The following ZNF79 variants were observed in gnomAD, a reference collection of about 807,000 sequenced individuals.
ZNF79 encodes the protein zinc finger protein 79.
In ZNF79, 13 loss-of-function variants were observed where a neutral mutation model predicts 14.9. The ratio of observed to expected loss-of-function variants is 0.87; its 90% CI spans 0.57 to 1.38. The LOEUF (loss-of-function observed/expected upper bound fraction) is 1.38. Ranked by LOEUF, ZNF79 falls within the 40% of genes most tolerant of loss-of-function variation. The pLI is 0.00. For synonymous variants in ZNF79, 223 were observed against 235.1 expected, an observed-to-expected ratio of 0.95 and a Z score of 0.47; for missense variants, 631 against 630.6, an observed-to-expected ratio of 1.00 and a Z score of -0.01.
In ZNF79 at chr9:127,435,824, T is replaced by G. The variant is rs1425698637; in HGVS notation, c.233-84T>G. ...GGCTGAATGAAATGAACAGTCCAAC[T>G]GGCCTACTTGCTCTCTCCTGAGTTC... is the stretch of plus-strand genomic sequence containing the variant. On this transcript the variant is annotated intron_variant, in intron 3 of 4. Transcript: ENST00000342483. The G allele has an allele frequency of 3.8e-6, 4 of 1,062,154 alleles. No individual in the cohort carries two copies. In the Admixed American group the frequency reaches 6.9e-5, roughly 18 times the overall value. 65.8% of individuals were successfully genotyped at this position (1,062,154 alleles called of 1,614,324 possible).
intron 1 of ZNF79, among the ~76,000 whole-genome samples, chr9:127,427,329 A>G (rs1833775744): frequency 6.7e-6 from 1 of 149,890 alleles, no homozygotes; most frequent in Non-Finnish European, 1.5e-5. Context: ...AGGCTGAGGT[A>G]GGAGAATCGC....
At chr9:127,427,519 T>C (rs1241681985) in intron 1 of ZNF79, among the ~76,000 whole-genome samples, 2 of 150,528 alleles carry the variant, frequency 1.3e-5, no homozygotes, top group Admixed American at 6.6e-5. Flanking sequence ...TGTGAGCCAC[T>C]GTACCCAGTC....
chr9:127,437,345 C>T (rs992643746), intron 4 of ZNF79, among the ~76,000 whole-genome samples: 25 of 151,884 alleles, frequency 1.6e-4, no homozygotes, highest in Admixed American at 5.9e-4. Flanking sequence ...AAGGCCCCCC[C>T]CCGCTGCCTG....
Position 127,424,574 on chromosome 9 carries a change from G to A in ZNF79, c.-214G>A. 1.8e-6 allele frequency: 1 copy of A among 568,042 alleles called. No homozygotes were observed. The highest frequency in any genetic ancestry group is 2.4e-5 in the South Asian group (1 of 41,154). 35.2% of individuals were successfully genotyped at this position (568,042 alleles called of 1,614,324 possible). On this transcript the variant is annotated 5_prime_UTR_variant, in exon 1 of 5. Transcript: ENST00000342483. ...GAGCCAAAGAGTGGCTGTGACTCGGGAGACGGAGTGGAACACCCGGCTGGG... is the reference window on the plus strand; with the variant it reads ...GAGCCAAAGAGTGGCTGTGACTCGGAAGACGGAGTGGAACACCCGGCTGGG...
intron 2 of ZNF79, among the ~76,000 whole-genome samples, chr9:127,433,164 G>C (rs1222058964): frequency 6.6e-6 from 1 of 152,196 alleles, no homozygotes; most frequent in Non-Finnish European, 1.5e-5. Flanking sequence ...TGGAAGAGCA[G>C]GTAAAATCAG....
chr9:127,444,864 C>T lies in ZNF79; in HGVS notation c.1164C>T (p.Pro388=). The part of the protein sequence containing the change: ...NHQRTHTGEK[P]YKCSECGKAF... ...AGAGGACTCACACTGGGGAGAAACC[C>T]TACAAGTGCAGCGAGTGTGGGAAGG... is the stretch of plus-strand genomic sequence containing the variant. Residue 388 remains proline, a synonymous_variant, in exon 5 of 5, where the codon CCC becomes CCT. Coordinates refer to ENST00000342483, the MANE Select transcript of ZNF79 (RefSeq NM_007135.3). 6.2e-7 allele frequency: 1 copy of T among 1,613,832 alleles called. No homozygotes were observed. Among genetic ancestry groups the T allele is most frequent in the South Asian group, 1.1e-5 (1 of 91,066 alleles).
intron 4 of ZNF79, among the ~76,000 whole-genome samples, chr9:127,442,184 T>C (rs926300492): frequency 5.3e-5 from 8 of 151,766 alleles, no homozygotes; most frequent in South Asian, 2.1e-4. Flanking sequence ...GTGGATCACC[T>C]GAGGTCAGGA....
At position 127,424,503 on chromosome 9, in the gene ZNF79, T is replaced by G; in HGVS notation, c.-285T>G. ...GCCAGTTGCCAGTTGCCAGTCGTTTTTCGGAAAGCTGGCAGCGGCTTTTTC... is the reference window on the plus strand; with the variant it reads ...GCCAGTTGCCAGTTGCCAGTCGTTTGTCGGAAAGCTGGCAGCGGCTTTTTC... On this transcript the variant is annotated 5_prime_UTR_variant, in exon 1 of 5. Transcript: ENST00000342483. 2.5e-6 allele frequency: 1 copy of G among 402,112 alleles called. No individual in the cohort carries two copies. Among genetic ancestry groups the G allele is most frequent in the Non-Finnish European group, 4.6e-6 (1 of 218,980 alleles). The allele number at this position is 402,112 out of a possible 1,614,324, so 24.9% of individuals were successfully genotyped here.
intron 2 of ZNF79, 122 bp from the exon 3 acceptor site, chr9:127,434,968 T>C (rs1219494787): frequency 1.6e-6 from 2 of 1,241,484 alleles, no homozygotes; most frequent in Non-Finnish European, 2.2e-6. Flanking sequence ...TTTCTTCAAC[T>C]ACCCAGAGAC....
At chr9:127,443,005 C>T (rs575557642) in intron 4 of ZNF79, among the ~76,000 whole-genome samples, 1 of 152,172 alleles carries the variant, frequency 6.6e-6, no homozygotes, top group African/African-American at 2.4e-5. Flanking sequence ...ACTGGAAGAT[C>T]TTCAGGGGCA....
At position 127,444,778 on chromosome 9, in the gene ZNF79, C is replaced by T. The variant is rs575314648; in HGVS notation, c.1078C>T (p.Pro360Ser). Residue 360 changes from proline (P) to serine (S), a missense_variant, in exon 5 of 5, where the codon CCC (proline) becomes TCC (serine). By Grantham distance (74) the Pro-to-Ser change is moderately conservative. Transcript: ENST00000342483. Reference sequence around the variant, plus strand: ...CCAGAGGATTCACACCGGGGAGAAGCCCTACAGATGTGCCGCGTGTGGGAA... The same window carrying T: ...CCAGAGGATTCACACCGGGGAGAAGTCCTACAGATGTGCCGCGTGTGGGAA... The part of the protein sequence containing the change: ...QHQRIHTGEK[P>S]YRCAACGKAF... 2.5e-6 allele frequency: 4 copies of T among 1,609,194 alleles called. No individual in the cohort carries two copies. The South Asian group carries it at 3.3e-5, about 13-fold the overall frequency.
chr9:127,443,938 A>AACCTGTGTG (rs1834097741), intron 4 of ZNF79, 91 bp from the exon 5 acceptor site: 2 of 1,171,080 alleles, frequency 1.7e-6, no homozygotes, highest in African/African-American at 3.1e-5. Flanking sequence ...TGAGTCATCA[A>AACCTGTGTG]ACCTGTGTGT....
Position 127,445,274 on chromosome 9 carries a change from A to C in ZNF79, c.*77A>C. On this transcript the variant is annotated 3_prime_UTR_variant, in exon 5 of 5. Coordinates refer to ENST00000342483, the MANE Select transcript of ZNF79 (RefSeq NM_007135.3). ...GGTGGGTGAGGATCTGAGAAATGCT[A>C]AAGGCTTGAAAGCATCTGAAGACAT... The C allele has an allele frequency of 6.8e-7, 1 of 1,473,340 alleles. No homozygotes were observed. Among genetic ancestry groups the C allele is most frequent in the Non-Finnish European group, 9.2e-7 (1 of 1,085,366 alleles). 91.3% of individuals were successfully genotyped at this position (1,473,340 alleles called of 1,614,324 possible).
At chr9:127,439,143 G>A (rs1834003289) in intron 4 of ZNF79, among the ~76,000 whole-genome samples, 1 of 124,172 alleles carries the variant, frequency 8.1e-6, no homozygotes, top group South Asian at 2.5e-4. Context: ...CTGTAGCAGT[G>A]GCTATGGGAG....
chr9:127,428,586 T>A (rs1833802956), intron 1 of ZNF79: 2 of 1,051,442 alleles, frequency 1.9e-6, no homozygotes, highest in Non-Finnish European at 2.4e-6. Flanking sequence ...GTTACGTGAT[T>A]TGCACACTGC....
At chr9:127,432,850 A>G (rs1222482847) in intron 2 of ZNF79, among the ~76,000 whole-genome samples, 1 of 152,098 alleles carries the variant, frequency 6.6e-6, no homozygotes, top group African/African-American at 2.4e-5. Flanking sequence ...TACGTATTAT[A>G]TATTTTTGTT....
At chr9:127,427,391 C>G (rs1049945481) in intron 1 of ZNF79, among the ~76,000 whole-genome samples, 2 of 148,294 alleles carry the variant, frequency 1.3e-5, no homozygotes, top group Admixed American at 1.4e-4. Context: ...CCATTGCACT[C>G]TAGTCTGGGC....
At chr9:127,439,573 A>C (rs573820947) in intron 4 of ZNF79, among the ~76,000 whole-genome samples, 2 of 152,016 alleles carry the variant, frequency 1.3e-5, no homozygotes, top group East Asian at 3.9e-4. Context: ...ATTCTACCCT[A>C]CCCCTCCCAA....
At chr9:127,436,599 C>A (rs554115553) in intron 4 of ZNF79, among the ~76,000 whole-genome samples, 4 of 152,358 alleles carry the variant, frequency 2.6e-5, no homozygotes, top group African/African-American at 9.6e-5. Context: ...TACAGCTGCT[C>A]TCTCCCCTAA....
Sources: gnomAD v4.1 joint callset for allele counts (sites outside exome capture counted in the v4.1 genomes callset) on GRCh38, gnomAD v4.1.1 for gene constraint, MANE v1.5 for transcripts, NCBI Gene and HGNC (gene_info 2026-07-23, HGNC 2026-07-21) for gene names.